ZRANB3: variants seen among roughly 807,000 people sequenced by gnomAD.
The protein encoded by ZRANB3 is DNA annealing helicase and endonuclease ZRANB3.
ZRANB3 carries 125 observed loss-of-function variants against 133.8 expected under a neutral mutation model. That is an observed-to-expected ratio of 0.93 (90% CI 0.81 to 1.08). The LOEUF (loss-of-function observed/expected upper bound fraction) is 1.08, where lower values mean the gene tolerates loss of function less well. Ranked by LOEUF, ZRANB3 falls within the 50% of genes least tolerant of loss-of-function variation. The pLI is 0.00. For missense variants in ZRANB3, 1,229 were observed against 1,275.5 expected (o/e 0.96, Z 0.56); for synonymous variants, 387 against 432.7 (o/e 0.89, Z 1.31).
rs573875645 is a variant in ZRANB3 at position 135,242,681 on chromosome 2, G to C, written c.1540-11754C>G. Reference sequence around the variant, plus strand: ...TTTCTTCCTCTATCTTATCTTTCTAGATCTCCTATTAGGAAAAAAGCTTCT... The same window carrying C: ...TTTCTTCCTCTATCTTATCTTTCTACATCTCCTATTAGGAAAAAAGCTTCT... On this transcript the variant is annotated intron_variant, in intron 12 of 20. Transcript: ENST00000264159. Among the ~76,000 whole-genome samples the C allele has an allele frequency of 7.9e-5, 12 of 151,880 alleles. No homozygotes were observed. The East Asian group carries it at 1.7e-3, about 22-fold the overall frequency.
chr2:135,360,580 C>T (rs1421361227), intron 3 of ZRANB3, among the ~76,000 whole-genome samples: 1 of 151,896 alleles, frequency 6.6e-6, no homozygotes, highest in African/African-American at 2.4e-5. Flanking sequence ...TGGTGAGCAC[C>T]TGTAGTCCCA....
At chr2:135,498,462 C>T (rs1692781090) in intron 2 of ZRANB3, among the ~76,000 whole-genome samples, 2 of 152,188 alleles carry the variant, frequency 1.3e-5, no homozygotes, top group African/African-American at 4.8e-5. Context: ...CTCTTAATCC[C>T]ATCATCTTCG....
intron 8 of ZRANB3, among the ~76,000 whole-genome samples, chr2:135,294,378 T>C (rs1681923331): frequency 6.6e-6 from 1 of 152,234 alleles, no homozygotes; most frequent in Non-Finnish European, 1.5e-5. Flanking sequence ...CTAGTTTATT[T>C]GCATAGAGGT....
chr2:135,345,711 A>G (rs1684889381), intron 5 of ZRANB3, 76 bp from the exon 6 acceptor site: 1 of 1,045,514 alleles, frequency 9.6e-7, no homozygotes, highest in African/African-American at 1.6e-5. Flanking sequence ...AAACCATTTA[A>G]CAAAATAGTA....
chr2:135,251,884 AATT>A (rs1477448844), intron 12 of ZRANB3, among the ~76,000 whole-genome samples: 1 of 152,016 alleles, frequency 6.6e-6, no homozygotes, highest in Non-Finnish European at 1.5e-5. Context: ...AAAATACAAA[AATT>A]AGCTGGGTGT....
intron 12 of ZRANB3, among the ~76,000 whole-genome samples, chr2:135,249,638 GCCAGTTTTT>G (rs1679280822): frequency 1.3e-5 from 2 of 152,162 alleles, no homozygotes; most frequent in South Asian, 4.1e-4. Flanking sequence ...AATCATGGGG[GCCAGTTTTT>G]CCTGCGCTAG....
intron 2 of ZRANB3, among the ~76,000 whole-genome samples, chr2:135,463,424 T>G (rs909701780): frequency 4.7e-5 from 7 of 150,360 alleles, no homozygotes; most frequent in African/African-American, 7.3e-5. Context: ...AATATGTTGT[T>G]TTTTTTTTTT....
At chr2:135,387,092 G>A (rs1205416686) in intron 3 of ZRANB3, among the ~76,000 whole-genome samples, 2 of 151,926 alleles carry the variant, frequency 1.3e-5, no homozygotes, top group African/African-American at 2.4e-5. Context: ...TAAAGCTAGG[G>A]AGAAAAGATC....
intron 5 of ZRANB3, among the ~76,000 whole-genome samples, chr2:135,347,966 G>A (rs1685020377): frequency 6.6e-6 from 1 of 152,010 alleles, no homozygotes; most frequent in African/African-American, 2.4e-5. Flanking sequence ...ATAAAGATAA[G>A]AGTGGAAATA....
chr2:135,414,482 T>C (rs779850242), intron 2 of ZRANB3, among the ~76,000 whole-genome samples: 1 of 152,102 alleles, frequency 6.6e-6, no homozygotes, highest in Non-Finnish European at 1.5e-5. Context: ...CAAAGAGACT[T>C]AGACTCCCAC....
At chr2:135,394,475 A>G (rs963589218) in intron 2 of ZRANB3, among the ~76,000 whole-genome samples, 1 of 152,146 alleles carries the variant, frequency 6.6e-6, no homozygotes, top group Non-Finnish European at 1.5e-5. Flanking sequence ...GGAGGTAAGG[A>G]GATGGGAAGC....
chr2:135,432,661 T>C (rs1689371749), intron 2 of ZRANB3, among the ~76,000 whole-genome samples: 1 of 152,154 alleles, frequency 6.6e-6, no homozygotes, highest in Non-Finnish European at 1.5e-5. Flanking sequence ...ACCTTGTAAA[T>C]CAACTATTCT....
intron 2 of ZRANB3, among the ~76,000 whole-genome samples, chr2:135,423,697 T>C (rs1255133825): frequency 1.3e-5 from 2 of 152,020 alleles, no homozygotes; most frequent in East Asian, 1.9e-4. Flanking sequence ...GAACTGAAAA[T>C]AGGAGAAACA....
intron 9 of ZRANB3, among the ~76,000 whole-genome samples, chr2:135,274,881 C>T (rs1680713243): frequency 6.6e-6 from 1 of 152,200 alleles, no homozygotes; most frequent in Non-Finnish European, 1.5e-5. Flanking sequence ...TCTTGCACCA[C>T]GCTTAATCCA....
intron 4 of ZRANB3, among the ~76,000 whole-genome samples, chr2:135,351,121 AG>A (rs960373559): frequency 6.6e-6 from 1 of 152,156 alleles, no homozygotes; most frequent in African/African-American, 2.4e-5. Flanking sequence ...CTATATCACC[AG>A]AAAAAAATAC....
At chr2:135,346,393 C>T (rs925261623) in intron 5 of ZRANB3, among the ~76,000 whole-genome samples, 2 of 152,186 alleles carry the variant, frequency 1.3e-5, no homozygotes, top group African/African-American at 4.8e-5. Flanking sequence ...AGCCACCACG[C>T]CCAGCCTATT....
intron 3 of ZRANB3, among the ~76,000 whole-genome samples, chr2:135,387,303 C>T (rs543832678): frequency 2.0e-5 from 3 of 152,280 alleles, no homozygotes; most frequent in East Asian, 3.9e-4. Flanking sequence ...ATTGTACTTC[C>T]TTCTCTGGCT....
intron 8 of ZRANB3, among the ~76,000 whole-genome samples, chr2:135,279,766 G>T (rs1681011599): frequency 1.3e-5 from 2 of 152,180 alleles, no homozygotes; most frequent in South Asian, 4.2e-4. Flanking sequence ...AAGGTTTACG[G>T]TTACTAACAT....
intron 2 of ZRANB3, among the ~76,000 whole-genome samples, chr2:135,452,969 A>G (rs1402467284): frequency 6.6e-6 from 1 of 152,208 alleles, no homozygotes; most frequent in East Asian, 1.9e-4. Context: ...TCCCTTCCAC[A>G]CTGCCCTAAC....
Sources: allele counts gnomAD v4.1 joint callset (sites outside exome capture counted in the v4.1 genomes callset), GRCh38; gene constraint gnomAD v4.1.1; transcripts MANE v1.5; gene names NCBI Gene and HGNC (gene_info 2026-07-23, HGNC 2026-07-21).